ELMO1: variants seen among roughly 807,000 people sequenced by gnomAD.
ELMO1 encodes engulfment and cell motility 1.
A neutral mutation model predicts 98.9 loss-of-function variants in ELMO1; 26 were observed. The observed-to-expected ratio is 0.26, with a 90% CI of 0.19 to 0.36. ELMO1 has a LOEUF of 0.36. ELMO1 is among the 10% of genes least tolerant of loss of function. The pLI, the probability that ELMO1 is intolerant of heterozygous loss-of-function variation, is 1.00. For missense variants in ELMO1, 627 were observed against 935.2 expected (o/e 0.67, Z 4.30); for synonymous variants, 346 against 346.0 (o/e 1.00, Z 0.00).
At chr7:37,266,989 G>A (rs1179139094) in intron 5 of ELMO1, among the ~76,000 whole-genome samples, 1 of 144,112 alleles carries the variant, frequency 6.9e-6, no homozygotes, top group Non-Finnish European at 1.5e-5. Flanking sequence ...CTCCAGCCTG[G>A]GCGACAGAGC....
chr7:37,035,220 A>G (rs895183456), intron 15 of ELMO1, among the ~76,000 whole-genome samples: 9 of 152,116 alleles, frequency 5.9e-5, no homozygotes, highest in African/African-American at 1.7e-4. Flanking sequence ...GGCAGAAGCT[A>G]TTTCTCCTAT....
chr7:36,862,925 A>G (rs994486036), intron 20 of ELMO1, among the ~76,000 whole-genome samples: 1 of 152,214 alleles, frequency 6.6e-6, no homozygotes. Flanking sequence ...AGAAAGATAA[A>G]AGGCAAAAAG....
chr7:37,207,446 G>A (rs908838214), intron 13 of ELMO1, among the ~76,000 whole-genome samples: 1 of 151,636 alleles, frequency 6.6e-6, no homozygotes, highest in African/African-American at 2.4e-5. Context: ...CAGCTATTCA[G>A]GATGCTGAGG....
At chr7:37,279,353 T>C (rs530335881) in intron 4 of ELMO1, among the ~76,000 whole-genome samples, 1 of 152,270 alleles carries the variant, frequency 6.6e-6, no homozygotes, top group East Asian at 1.9e-4. Context: ...AGGACTAGAT[T>C]GCAGCTCCGG....
intron 1 of ELMO1, among the ~76,000 whole-genome samples, chr7:37,343,487 CTTTTTTTT>C (rs10571805): frequency 3.2e-5 from 3 of 92,820 alleles, no homozygotes; most frequent in African/African-American, 1.3e-4. Flanking sequence ...TAGCCCATTT[CTTTTTTTT>C]TTTTTTTTTT....
intron 8 of ELMO1, among the ~76,000 whole-genome samples, chr7:37,225,547 G>GTC (rs2130563677): frequency 6.6e-6 from 1 of 152,256 alleles, no homozygotes; most frequent in African/African-American, 2.4e-5. Context: ...CAACTTCTCA[G>GTC]TCACCGGCCA....
chr7:36,964,813 G>A (rs1431817073), intron 16 of ELMO1, among the ~76,000 whole-genome samples: 2 of 152,182 alleles, frequency 1.3e-5, no homozygotes, highest in African/African-American at 4.8e-5. Flanking sequence ...CATTTTGGAA[G>A]TCGAAGGAAT....
intron 16 of ELMO1, among the ~76,000 whole-genome samples, chr7:37,010,023 C>G (rs56905180): frequency 0.015 from 2,224 of 152,172 alleles, 52 homozygotes; most frequent in African/African-American, 0.051. Flanking sequence ...AGAAAAAAAT[C>G]AGAAAGGCAG....
At chr7:37,244,309 A>C in intron 7 of ELMO1, 47 bp downstream of exon 7, 1 of 1,595,162 alleles carries the variant, frequency 6.3e-7, no homozygotes, top group Admixed American at 1.8e-5. Flanking sequence ...TATGCAGGAA[A>C]GTAGGAAGGG....
intron 2 of ELMO1, among the ~76,000 whole-genome samples, chr7:37,328,239 C>T (rs747639086): frequency 7.2e-5 from 11 of 151,806 alleles, no homozygotes; most frequent in Non-Finnish European, 1.5e-4. Context: ...AAAAGTTAGC[C>T]GAGTATAGTG....
intron 2 of ELMO1, among the ~76,000 whole-genome samples, chr7:37,334,768 T>A (rs1379487983): frequency 3.9e-5 from 6 of 152,252 alleles, no homozygotes; most frequent in African/African-American, 1.4e-4. Flanking sequence ...AAATCAAATT[T>A]ATGCATATGG....
chr7:36,890,685 T>C (rs1805475433), intron 17 of ELMO1, among the ~76,000 whole-genome samples: 2 of 152,200 alleles, frequency 1.3e-5, no homozygotes, highest in South Asian at 4.1e-4. Flanking sequence ...GTTATTAAAA[T>C]AGCTTTCCCA....
At chr7:36,879,350 A>G (rs893253108) in intron 18 of ELMO1, among the ~76,000 whole-genome samples, 2 of 152,260 alleles carry the variant, frequency 1.3e-5, no homozygotes, top group African/African-American at 4.8e-5. Context: ...TCAGTCACCT[A>G]CAAGCCCCTT....
At chr7:37,319,632 C>T (rs899692614) in intron 2 of ELMO1, among the ~76,000 whole-genome samples, 4 of 152,202 alleles carry the variant, frequency 2.6e-5, no homozygotes, top group Non-Finnish European at 4.4e-5. Context: ...TCCATCAGTT[C>T]CTACACTCAA....
chr7:36,898,997 C>A (rs1002540372), intron 16 of ELMO1, among the ~76,000 whole-genome samples: 1 of 152,136 alleles, frequency 6.6e-6, no homozygotes, highest in African/African-American at 2.4e-5. Context: ...GGTGGAAAGG[C>A]CACATGCAGA....
At chr7:37,048,526 T>C (rs1220177169) in intron 15 of ELMO1, among the ~76,000 whole-genome samples, 1 of 152,154 alleles carries the variant, frequency 6.6e-6, no homozygotes, top group Admixed American at 6.5e-5. Flanking sequence ...TACCAGAGAG[T>C]AGAAGCCTCT....
intron 16 of ELMO1, among the ~76,000 whole-genome samples, chr7:37,000,027 C>T (rs1792533661): frequency 6.6e-6 from 1 of 152,174 alleles, no homozygotes; most frequent in African/African-American, 2.4e-5. Flanking sequence ...CCCTGACCGA[C>T]CAGCATCTGC....
At chr7:37,350,286 A>G (rs940503969) in intron 1 of ELMO1, among the ~76,000 whole-genome samples, 2 of 152,246 alleles carry the variant, frequency 1.3e-5, no homozygotes, top group East Asian at 3.8e-4. Context: ...CACGCTAGCC[A>G]TGTATGCTAA....
chr7:36,988,918 A>G (rs1791686451), intron 16 of ELMO1, among the ~76,000 whole-genome samples: 1 of 152,190 alleles, frequency 6.6e-6, no homozygotes, highest in African/African-American at 2.4e-5. Context: ...ATCCTAACAC[A>G]CCAACATAAC....
Sources: allele counts gnomAD v4.1 joint callset (sites outside exome capture counted in the v4.1 genomes callset), GRCh38; gene constraint gnomAD v4.1.1; transcripts MANE v1.5; gene names NCBI Gene and HGNC (gene_info 2026-07-23, HGNC 2026-07-21).